Variants in GRIK2 observed in about 807,000 individuals in gnomAD.
The protein encoded by GRIK2 is glutamate ionotropic receptor kainate type subunit 2.
GRIK2 carries 32 observed loss-of-function variants against 100.3 expected under a neutral mutation model. That is an observed-to-expected ratio of 0.32 (90% CI 0.24 to 0.43). The LOEUF (loss-of-function observed/expected upper bound fraction) is 0.43. Among genes scored for constraint, GRIK2 ranks in the 20% least tolerant of loss-of-function variants. The probability of loss-of-function intolerance (pLI) is 1.00; values close to 1 mark genes in which losing one functional copy is unlikely to be tolerated. For missense variants in GRIK2, 843 were observed against 1,114.9 expected (o/e 0.76, Z 3.47); for synonymous variants, 417 against 389.4 (o/e 1.07, Z -0.83).
At chr6:101,722,287 G>A (rs551684255) in intron 7 of GRIK2, among the ~76,000 whole-genome samples, 2 of 151,978 alleles carry the variant, frequency 1.3e-5, no homozygotes, top group South Asian at 2.1e-4. Context: ...CTTTCTATTA[G>A]GTAGTCCATT....
intron 2 of GRIK2, among the ~76,000 whole-genome samples, chr6:101,457,972 G>GTATA (rs1562152059): frequency 6.6e-6 from 1 of 152,020 alleles, no homozygotes. Context: ...GACTTGGAAA[G>GTATA]TAAATTACTT....
intron 10 of GRIK2, among the ~76,000 whole-genome samples, chr6:101,832,628 T>C (rs1211357817): frequency 2.6e-5 from 4 of 152,186 alleles, no homozygotes; most frequent in African/African-American, 9.6e-5. Context: ...CTACGTATGA[T>C]GTTCTGAGTG....
chr6:101,784,684 C>T (rs1779313104), intron 7 of GRIK2, among the ~76,000 whole-genome samples: 2 of 152,086 alleles, frequency 1.3e-5, no homozygotes, highest in Non-Finnish European at 1.5e-5. Context: ...TGAGGGAATT[C>T]TCATGAGATC....
intron 4 of GRIK2, among the ~76,000 whole-genome samples, chr6:101,669,513 G>A (rs1400810870): frequency 1.3e-5 from 2 of 152,074 alleles, no homozygotes; most frequent in Non-Finnish European, 2.9e-5. Flanking sequence ...ATATTTGCTT[G>A]TGTGTGATAT....
intron 16 of GRIK2, among the ~76,000 whole-genome samples, chr6:102,067,030 C>T (rs918498698): frequency 6.6e-6 from 1 of 151,666 alleles, no homozygotes; most frequent in Non-Finnish European, 1.5e-5. Context: ...TCCAACCTCT[C>T]TCTGAATCAG....
intron 14 of GRIK2, among the ~76,000 whole-genome samples, chr6:101,977,568 G>T (rs914118701): frequency 2.0e-5 from 3 of 151,926 alleles, no homozygotes; most frequent in African/African-American, 7.2e-5. Flanking sequence ...GGCAGGCATG[G>T]CCCAGATTTA....
chr6:101,609,541 C>T (rs1205224689), intron 2 of GRIK2, among the ~76,000 whole-genome samples: 4 of 151,668 alleles, frequency 2.6e-5, no homozygotes, highest in Non-Finnish European at 5.9e-5. Context: ...TAGTTGCCTG[C>T]AAAAGGAAAA....
chr6:101,874,017 T>C (rs1015491154), intron 11 of GRIK2, among the ~76,000 whole-genome samples: 2 of 152,144 alleles, frequency 1.3e-5, no homozygotes, highest in African/African-American at 4.8e-5. Flanking sequence ...GATGAGTAGA[T>C]TGCAAAAATT....
chr6:101,729,794 T>G (rs112141480), intron 7 of GRIK2, among the ~76,000 whole-genome samples: 92 of 152,062 alleles, frequency 6.1e-4, no homozygotes, highest in African/African-American at 2.1e-3. Context: ...GTTATTTGTA[T>G]TGTGAAAATA....
chr6:101,853,052 A>G (rs1291931435), intron 10 of GRIK2, among the ~76,000 whole-genome samples: 3 of 152,190 alleles, frequency 2.0e-5, no homozygotes, highest in Non-Finnish European at 2.9e-5. Flanking sequence ...GGATGTAGTT[A>G]ACAGATTAAT....
chr6:101,720,296 T>G (rs1469949608), intron 7 of GRIK2, among the ~76,000 whole-genome samples: 1 of 152,060 alleles, frequency 6.6e-6, no homozygotes, highest in Non-Finnish European at 1.5e-5. Context: ...CCAATATACT[T>G]TTACCATTTA....
At position 101,967,979 on chromosome 6, in the gene GRIK2, A is replaced by G. The variant is rs568848564; in HGVS notation, c.2085+39347A>G. Among the ~76,000 whole-genome samples the G allele has an allele frequency of 4.6e-5, 7 of 151,636 alleles. No homozygotes were observed. In the East Asian group the frequency reaches 1.4e-3, roughly 30 times the overall value. ...AGAAATAGGAGGAAAAAAGAACTGG[A>G]GAGTCAGGAAAATTAAAGTTCTATT... On this transcript the variant is annotated intron_variant, in intron 14 of 16. Coordinates refer to ENST00000369134, the MANE Select transcript of GRIK2 (RefSeq NM_021956.5).
At chr6:101,881,992 G>A (rs1361471389) in intron 11 of GRIK2, among the ~76,000 whole-genome samples, 1 of 152,112 alleles carries the variant, frequency 6.6e-6, no homozygotes, top group African/African-American at 2.4e-5. Context: ...AGGCCTCACA[G>A]TCATGGGGGA....
chr6:101,579,849 T>TAAA (rs756184787), intron 2 of GRIK2, among the ~76,000 whole-genome samples: 1 of 128,912 alleles, frequency 7.8e-6, no homozygotes, highest in Non-Finnish European at 1.6e-5. Flanking sequence ...GACTGTGTCT[T>TAAA]AAAAAAAAAA....
intron 2 of GRIK2, among the ~76,000 whole-genome samples, chr6:101,610,687 C>A (rs533804491): frequency 6.6e-5 from 10 of 151,804 alleles, no homozygotes; most frequent in Non-Finnish European, 1.2e-4. Flanking sequence ...TCACCTGATC[C>A]CTTCATTTTG....
chr6:101,991,292 ATTTAAGCTTGAAGAAG>A (rs1794360050), intron 14 of GRIK2, among the ~76,000 whole-genome samples: 1 of 151,528 alleles, frequency 6.6e-6, no homozygotes, highest in African/African-American at 2.4e-5. Context: ...AAGTGAGGAA[ATTTAAGCTTGAAGAAG>A]TTTAGTAACT....
intron 10 of GRIK2, among the ~76,000 whole-genome samples, chr6:101,823,973 T>A (rs1264766241): frequency 1.3e-5 from 2 of 151,896 alleles, no homozygotes; most frequent in Non-Finnish European, 2.9e-5. Context: ...GTTCAAGTGA[T>A]TCTCCTGCCT....
chr6:101,435,395 T>C (rs2128244436), intron 2 of GRIK2, among the ~76,000 whole-genome samples: 1 of 152,158 alleles, frequency 6.6e-6, no homozygotes, highest in South Asian at 2.1e-4. Context: ...GATTTTTTTT[T>C]TTTTTTTTGG....
intron 10 of GRIK2, among the ~76,000 whole-genome samples, chr6:101,845,441 A>G (rs1383262003): frequency 6.6e-6 from 1 of 152,152 alleles, no homozygotes; most frequent in South Asian, 2.1e-4. Flanking sequence ...GCCTGCTTTC[A>G]CTTAGCATAA....
Sources: allele counts gnomAD v4.1 joint callset (sites outside exome capture counted in the v4.1 genomes callset), GRCh38; gene constraint gnomAD v4.1.1; transcripts MANE v1.5; gene names NCBI Gene and HGNC (gene_info 2026-07-23, HGNC 2026-07-21).